Variants in RAB30 observed in about 807,000 individuals in gnomAD.
RAB30 encodes the protein RAB30, member RAS oncogene family.
Under a neutral mutation model 25.1 loss-of-function variants are expected in RAB30, and 9 were observed. The ratio of observed to expected loss-of-function variants is 0.36; its 90% CI spans 0.22 to 0.63. The LOEUF is 0.63. Among genes scored for constraint, RAB30 ranks in the 20% least tolerant of loss-of-function variants. RAB30 has a pLI of 0.69. For synonymous variants in RAB30, 77 were observed against 86.4 expected, an observed-to-expected ratio of 0.89 and a Z score of 0.60; for missense variants, 140 against 243.5, an observed-to-expected ratio of 0.58 and a Z score of 2.83.
Position 82,987,753 on chromosome 11 carries a change from T to C in RAB30, c.195A>G (p.Thr65=), listed in dbSNP as rs775469660. 6.2e-7 allele frequency: 1 copy of C among 1,610,276 alleles called. No homozygotes were observed. Among genetic ancestry groups the C allele is most frequent in the Non-Finnish European group, 8.5e-7 (1 of 1,177,162 alleles). ...TGGACCGAAATCTCTCTTGACCTGC[T>C]GTGTCCCAGATCTGTAGCTGTAAAG... ...GEKVKLQIWD[T]AGQERFRSIT... Residue 65 remains threonine (T), a synonymous_variant, in exon 4 of 5, where the codon ACA becomes ACG. Coordinates refer to ENST00000527633, the MANE Select transcript of RAB30 (RefSeq NM_001286060.2).
chr11:83,021,208 T>C (rs897288048), intron 1 of RAB30, among the ~76,000 whole-genome samples: 1 of 152,222 alleles, frequency 6.6e-6, no homozygotes, highest in South Asian at 2.1e-4. Context: ...TTCCTGGTCA[T>C]AGGACAAGAA....
Position 82,987,280 on chromosome 11 carries a change from G to C in RAB30, c.361+307C>G, listed in dbSNP as rs551027546. ...AAAGATACATTTTTCTTCTAGAACA[G>C]CCATTCCTTTCATCTTGTAATTAGA... On this transcript the variant is annotated intron_variant, in intron 4 of 4. Coordinates refer to ENST00000527633, the MANE Select transcript of RAB30 (RefSeq NM_001286060.2). The C allele has an allele frequency of 3.0e-3, 605 of 200,340 alleles. 10 individuals carry two copies. The highest frequency in any genetic ancestry group is 2.6e-3 in the Non-Finnish European group (265 of 100,056). The allele number at this position is 200,340 out of a possible 1,614,324, so 12.4% of individuals were successfully genotyped here. A position where few individuals can be genotyped will look rare whatever the true frequency, so the allele number is the denominator to read the frequency against.
intron 1 of RAB30, among the ~76,000 whole-genome samples, chr11:83,015,660 T>C (rs957458056): frequency 2.0e-5 from 3 of 152,162 alleles, no homozygotes; most frequent in Non-Finnish European, 4.4e-5. Context: ...AGAGGATATC[T>C]ATGGAGAGTG....
Position 82,974,544 on chromosome 11 carries a change from G to T in RAB30, c.*7621C>A, listed in dbSNP as rs1856508648. On this transcript the variant is annotated 3_prime_UTR_variant, in exon 5 of 5. Transcript: ENST00000527633. ...ACTATTCTTATATTGAAGTTGGTTA[G>T]ATTTTATATAACGCTGTATACAAAT... 1 of 152,120 alleles carries T rather than the reference G, an allele frequency of 6.6e-6. No homozygotes were observed. Among genetic ancestry groups the T allele is most frequent in the South Asian group, 2.1e-4 (1 of 4,832 alleles). The allele number at this position is 152,120 out of a possible 1,614,324, so 9.4% of individuals were successfully genotyped here. A position where few individuals can be genotyped will look rare whatever the true frequency, so the allele number is the denominator to read the frequency against.
intron 1 of RAB30, among the ~76,000 whole-genome samples, chr11:83,047,312 G>A (rs1858254978): frequency 6.6e-6 from 1 of 152,128 alleles, no homozygotes; most frequent in Non-Finnish European, 1.5e-5. Context: ...AAAAATACAT[G>A]TAGCCATCCC....
intron 1 of RAB30, among the ~76,000 whole-genome samples, chr11:83,000,015 C>CCAT: frequency 6.6e-6 from 1 of 152,286 alleles, no homozygotes; most frequent in African/African-American, 2.4e-5. Flanking sequence ...TAACCCCTCC[C>CCAT]CATCATCATC....
intron 1 of RAB30, among the ~76,000 whole-genome samples, chr11:83,012,805 C>T (rs946232741): frequency 2.0e-5 from 3 of 152,152 alleles, no homozygotes; most frequent in African/African-American, 4.8e-5. Context: ...CCCAGCACCT[C>T]GTATCTTTCA....
At position 82,981,847 on chromosome 11, in the gene RAB30, TC is replaced by T; in HGVS notation, c.*317del. On this transcript the variant is annotated 3_prime_UTR_variant, in exon 5 of 5. Transcript: ENST00000527633. ...GCAGGAGGGATCCCTACAGTACATT[TC>T]CCCCCGGACTCTGTTTAGGAATGCG... 6.6e-6 allele frequency: 2 copies of T among 303,318 alleles called. No homozygotes were observed. Among genetic ancestry groups the T allele is most frequent in the Non-Finnish European group, 1.3e-5 (2 of 158,062 alleles). 18.8% of individuals were successfully genotyped at this position (303,318 alleles called of 1,614,324 possible).
At chr11:83,039,935 C>T (rs1338528481) in intron 1 of RAB30, among the ~76,000 whole-genome samples, 3 of 152,042 alleles carry the variant, frequency 2.0e-5, no homozygotes, top group Non-Finnish European at 4.4e-5. Context: ...GAAGAGGAGG[C>T]AGTCTTTTAA....
At chr11:83,040,333 A>G (rs1253938284) in intron 1 of RAB30, among the ~76,000 whole-genome samples, 6 of 152,210 alleles carry the variant, frequency 3.9e-5, no homozygotes, top group African/African-American at 1.4e-4. Context: ...TCGGGCCTGT[A>G]ATCCCAGCAC....
At chr11:83,066,067 A>G (rs4944426) in intron 1 of RAB30, among the ~76,000 whole-genome samples, 33,596 of 152,194 alleles carry the variant, frequency 0.22, 4,327 homozygotes, top group Admixed American at 0.28. Context: ...GCTTCCTATA[A>G]GGAAAAAACT....
At chr11:83,032,129 T>C (rs35144693) in intron 1 of RAB30, among the ~76,000 whole-genome samples, 10,319 of 152,154 alleles carry the variant, frequency 0.068, 751 homozygotes, top group African/African-American at 0.18. Context: ...GATGTCTCAA[T>C]AGTAGTGATC....
At chr11:83,051,170 C>T (rs1858349826) in intron 1 of RAB30, among the ~76,000 whole-genome samples, 1 of 152,170 alleles carries the variant, frequency 6.6e-6, no homozygotes, top group Non-Finnish European at 1.5e-5. Context: ...CCTTCTCCAT[C>T]TGCAGGTTAA....
chr11:83,019,002 G>T (rs942308483), intron 1 of RAB30, among the ~76,000 whole-genome samples: 2 of 152,096 alleles, frequency 1.3e-5, no homozygotes, highest in African/African-American at 4.8e-5. Flanking sequence ...GGCTTTATTT[G>T]AGTGTAAAAA....
intron 3 of RAB30, among the ~76,000 whole-genome samples, chr11:82,991,826 C>T (rs1856857128): frequency 6.6e-6 from 1 of 152,160 alleles, no homozygotes; most frequent in East Asian, 1.9e-4. Context: ...AAACCTTGCT[C>T]TTGGGGAGCC....
chr11:83,028,881 G>A (rs553578323), intron 1 of RAB30, among the ~76,000 whole-genome samples: 7 of 152,222 alleles, frequency 4.6e-5, no homozygotes, highest in Middle Eastern at 3.4e-3. Context: ...CACAAAAAGT[G>A]AAAAAGTTAG....
chr11:83,056,455 T>G (rs959805841), intron 1 of RAB30, among the ~76,000 whole-genome samples: 9 of 152,312 alleles, frequency 5.9e-5, no homozygotes, highest in Non-Finnish European at 8.8e-5. Flanking sequence ...GCTTCCATCT[T>G]TTGGCTATGG....
At chr11:83,035,502 C>G (rs1413474245) in intron 1 of RAB30, 2 of 152,478 alleles carry the variant, frequency 1.3e-5, no homozygotes, top group East Asian at 3.8e-4. Flanking sequence ...AAGCAGACAG[C>G]TTCTTTCCCC....
chr11:83,004,218 T>C (rs1376935591), intron 1 of RAB30, among the ~76,000 whole-genome samples: 1 of 152,194 alleles, frequency 6.6e-6, no homozygotes, highest in Non-Finnish European at 1.5e-5. Context: ...GCTGCCCAGG[T>C]AGGGTTGCCA....
Sources: allele counts gnomAD v4.1 joint callset (sites outside exome capture counted in the v4.1 genomes callset), GRCh38; gene constraint gnomAD v4.1.1; transcripts MANE v1.5; gene names NCBI Gene and HGNC (gene_info 2026-07-23, HGNC 2026-07-21).